The following SPRY3 variants were observed in gnomAD, a reference collection of about 807,000 sequenced individuals.
The protein encoded by SPRY3 is sprouty RTK signaling antagonist 3.
Under a neutral mutation model 20.2 loss-of-function variants are expected in SPRY3, and 15 were observed. That is an observed-to-expected ratio of 0.74 (90% CI 0.50 to 1.14). The LOEUF (loss-of-function observed/expected upper bound fraction) is 1.14. Ranked by LOEUF, SPRY3 falls within the 50% of genes most tolerant of loss-of-function variation. SPRY3 has a pLI of 0.00. For missense variants in SPRY3, 364 were observed against 363.9 expected (o/e 1.00, Z 0.00); for synonymous variants, 143 against 136.5 (o/e 1.05, Z -0.33).
intron 2 of SPRY3, among the ~76,000 whole-genome samples, chrX:155,672,398 G>A (rs2068043729): frequency 9.1e-6 from 1 of 110,449 alleles, no homozygotes; most frequent in African/African-American, 3.3e-5. Flanking sequence ...TCAAAAAGTG[G>A]GCAAAGGATA....
intron 2 of SPRY3, among the ~76,000 whole-genome samples, chrX:155,665,656 A>G (rs1234610169): frequency 9.0e-6 from 1 of 111,718 alleles, no homozygotes; most frequent in Non-Finnish European, 1.9e-5. Flanking sequence ...CATGAAATCA[A>G]TCAAATACAT....
chrX:155,769,905 G>A (rs899977583), intron 3 of SPRY3, among the ~76,000 whole-genome samples: 32 of 152,110 alleles, frequency 2.1e-4, no homozygotes, highest in Non-Finnish European at 8.8e-5. Context: ...TTGTAAGGGG[G>A]GAGTGCTTTG....
chrX:155,721,462 C>G (rs1428211683), intron 2 of SPRY3, among the ~76,000 whole-genome samples: 1 of 151,938 alleles, frequency 6.6e-6, no homozygotes, highest in Non-Finnish European at 1.5e-5. Flanking sequence ...TTATAAAATA[C>G]CCAGAAGATT....
intron 2 of SPRY3, among the ~76,000 whole-genome samples, chrX:155,731,523 C>T (rs1218135366): frequency 6.6e-6 from 1 of 152,032 alleles, no homozygotes; most frequent in Non-Finnish European, 1.5e-5. Flanking sequence ...TGATTAAAGA[C>T]TTAAATCTAA....
At chrX:155,656,943 A>G (rs2067994177) in exon 2 of SPRY3, among the ~76,000 whole-genome samples, 1 of 111,636 alleles carries the variant, frequency 9.0e-6, no homozygotes, top group African/African-American at 3.3e-5. Context: ...CAGAACAGCA[A>G]AGATTGCTGC....
chrX:155,638,089 A>G (rs1176418278), intron 1 of SPRY3, among the ~76,000 whole-genome samples: 2 of 104,445 alleles, frequency 1.9e-5, no homozygotes, highest in African/African-American at 7.1e-5. Flanking sequence ...TTTATTTTTA[A>G]TGGAGTGTCT....
chrX:155,617,621 C>T (rs2067858069), intron 1 of SPRY3, among the ~76,000 whole-genome samples: 1 of 111,336 alleles, frequency 9.0e-6, no homozygotes, highest in South Asian at 3.7e-4. Flanking sequence ...ATCTATGGAG[C>T]AAGGCATTAG....
chrX:155,728,704 G>A (rs2091115250), intron 2 of SPRY3, among the ~76,000 whole-genome samples: 1 of 152,152 alleles, frequency 6.6e-6, no homozygotes, highest in Non-Finnish European at 1.5e-5. Context: ...CATTTTTCCA[G>A]GTACAGTCTG....
At chrX:155,778,901 G>C (rs1225682108), downstream of SPRY3, 2 of 166,968 alleles carry the variant, frequency 1.2e-5, no homozygotes, top group Non-Finnish European at 2.9e-5. Flanking sequence ...AAAAAATAGA[G>C]TTTGAAGCAA....
rs747369923 is a variant in SPRY3 at position 155,765,217 on chromosome X, C to G, written c.-281-2745C>G. Among the ~76,000 whole-genome samples, 5 of 152,116 alleles carry G rather than the reference C, an allele frequency of 3.3e-5. No homozygotes were observed. The East Asian group carries it at 9.7e-4, about 29-fold the overall frequency. ...ACCAAATAATTTTTAAAAGTTAGAACAAAAATCCCTGAAGGGATTTGCAGA... is the reference window on the plus strand; with the variant it reads ...ACCAAATAATTTTTAAAAGTTAGAAGAAAAATCCCTGAAGGGATTTGCAGA... On this transcript the variant is annotated intron_variant, in intron 2 of 3. Transcript: ENST00000675360.
intron 1 of SPRY3, among the ~76,000 whole-genome samples, chrX:155,616,136 T>TCTCTCTCTCTCTC (rs2067852625): frequency 1.0e-5 from 1 of 95,391 alleles, no homozygotes. Context: ...CTCTCCTCTC[T>TCTCTCTCTCTCTC]CTCTCTCTCT....
Position 155,687,988 on chromosome X carries a change from C to A in SPRY3, c.-282+30963C>A, listed in dbSNP as rs144574159. Among the ~76,000 whole-genome samples, 28 of 110,497 alleles carry A rather than the reference C, an allele frequency of 2.5e-4. No individual in the cohort carries two copies. In the East Asian group the frequency reaches 7.5e-3, roughly 29 times the overall value. On this transcript the variant is annotated intron_variant, in intron 2 of 3. Coordinates refer to ENST00000675360, the Ensembl canonical transcript of SPRY3. Reference sequence around the variant, plus strand: ...TTTGCTGCACAGATCATCCCATCACCGAGGTATTAAGCATAGCATCCATTA... The same window carrying A: ...TTTGCTGCACAGATCATCCCATCACAGAGGTATTAAGCATAGCATCCATTA...
intron 2 of SPRY3, among the ~76,000 whole-genome samples, chrX:155,704,668 G>A (rs1201137730): frequency 2.0e-5 from 3 of 151,488 alleles, no homozygotes; most frequent in Admixed American, 6.6e-5. Flanking sequence ...GCATACCCAA[G>A]CTCAGAGTGC....
chrX:155,760,742 C>T (rs1181640320), intron 2 of SPRY3, among the ~76,000 whole-genome samples: 2 of 152,172 alleles, frequency 1.3e-5, no homozygotes, highest in South Asian at 2.1e-4. Flanking sequence ...ATAGGGTTCA[C>T]GCTCCTATGA....
intron 2 of SPRY3, among the ~76,000 whole-genome samples, chrX:155,735,725 A>G (rs1163842134): frequency 1.3e-5 from 2 of 151,990 alleles, no homozygotes; most frequent in Non-Finnish European, 2.9e-5. Context: ...GATTTCTTGT[A>G]GACAACATAT....
chrX:155,729,838 G>A (rs770358634), intron 2 of SPRY3, among the ~76,000 whole-genome samples: 1 of 151,864 alleles, frequency 6.6e-6, no homozygotes, highest in Admixed American at 6.6e-5. Context: ...AAAGATAGAC[G>A]ATGCAAATAA....
chrX:155,625,702 C>T (rs1417840421), intron 1 of SPRY3, among the ~76,000 whole-genome samples: 2 of 111,067 alleles, frequency 1.8e-5, no homozygotes, highest in East Asian at 2.8e-4. Flanking sequence ...ATTTTCATTA[C>T]CCCAAAAACA....
intron 2 of SPRY3, among the ~76,000 whole-genome samples, chrX:155,760,528 G>A (rs2091299970): frequency 6.6e-6 from 1 of 152,114 alleles, no homozygotes; most frequent in Non-Finnish European, 1.5e-5. Context: ...CAGCGACAAA[G>A]TTTGTGTCTT....
chrX:155,773,133 T>C (rs936604249), intron 3 of SPRY3, among the ~76,000 whole-genome samples: 2 of 151,694 alleles, frequency 1.3e-5, no homozygotes, highest in Non-Finnish European at 2.9e-5. Flanking sequence ...GGGAAGCCTT[T>C]TTTTTTCCTA....
Sources: allele counts gnomAD v4.1 joint callset (sites outside exome capture counted in the v4.1 genomes callset), GRCh38; gene constraint gnomAD v4.1.1; transcripts MANE v1.5; gene names NCBI Gene and HGNC (gene_info 2026-07-23, HGNC 2026-07-21).